BRINP1: variants seen among roughly 807,000 people sequenced by gnomAD.
BRINP1 encodes the protein BMP/retinoic acid-inducible neural-specific protein 1.
In BRINP1, 17 loss-of-function variants were observed where a neutral mutation model predicts 72.9. The ratio of observed to expected loss-of-function variants is 0.23; its 90% CI spans 0.16 to 0.35. The LOEUF (loss-of-function observed/expected upper bound fraction) is 0.35. BRINP1 is among the 10% of genes least tolerant of loss of function. The pLI, the probability that BRINP1 is intolerant of heterozygous loss-of-function variation, is 1.00. For missense variants in BRINP1, 850 were observed against 1,001.6 expected (o/e 0.85, Z 2.04); for synonymous variants, 418 against 378.5 (o/e 1.10, Z -1.21).
At chr9:119,251,809 G>T (rs1439343286) in intron 2 of BRINP1, among the ~76,000 whole-genome samples, 5 of 152,132 alleles carry the variant, frequency 3.3e-5, no homozygotes, top group African/African-American at 1.2e-4. Context: ...TACAGGTGTG[G>T]CAGGCAGCTT....
chr9:119,237,352 T>TATTATTATTATTATC (rs1830201951), intron 5 of BRINP1, among the ~76,000 whole-genome samples: 2 of 118,284 alleles, frequency 1.7e-5, no homozygotes, highest in Admixed American at 1.1e-4. Flanking sequence ...GCTACATTAT[T>TATTATTATTATTATC]ATTATTATTA....
intron 2 of BRINP1, among the ~76,000 whole-genome samples, chr9:119,264,695 A>G (rs1830530985): frequency 6.6e-6 from 1 of 152,152 alleles, no homozygotes; most frequent in Non-Finnish European, 1.5e-5. Context: ...GTTTTGAGAC[A>G]GAGTGTCGCT....
At chr9:119,312,971 A>G (rs181415413) in intron 2 of BRINP1, among the ~76,000 whole-genome samples, 167 bp downstream of exon 2, 12 of 152,198 alleles carry the variant, frequency 7.9e-5, no homozygotes, top group African/African-American at 2.7e-4. Flanking sequence ...TGTCATTGTT[A>G]ATCTCTTGTG....
intron 2 of BRINP1, among the ~76,000 whole-genome samples, chr9:119,297,463 T>C (rs991988951): frequency 6.6e-6 from 1 of 152,148 alleles, no homozygotes; most frequent in Non-Finnish European, 1.5e-5. Context: ...ACCCTGGCCA[T>C]ATTACTTTTC....
intron 1 of BRINP1, among the ~76,000 whole-genome samples, chr9:119,318,841 T>TGTGG (rs1554754941): frequency 2.6e-5 from 3 of 114,720 alleles, no homozygotes; most frequent in African/African-American, 6.7e-5. Flanking sequence ...GAGAAATGTG[T>TGTGG]GGGGTGTGTG....
chr9:119,317,183 C>T (rs765812700), intron 1 of BRINP1, among the ~76,000 whole-genome samples: 6 of 152,106 alleles, frequency 3.9e-5, no homozygotes, highest in Non-Finnish European at 7.3e-5. Context: ...GGGCATTGCA[C>T]ATTGGAAAAC....
chr9:119,317,167 G>A (rs1337563820), intron 1 of BRINP1, among the ~76,000 whole-genome samples: 1 of 152,118 alleles, frequency 6.6e-6, no homozygotes, highest in African/African-American at 2.4e-5. Context: ...TTCCTCTGAT[G>A]GATCTGGGCA....
intron 2 of BRINP1, among the ~76,000 whole-genome samples, chr9:119,268,723 A>G (rs1325998310): frequency 6.6e-6 from 1 of 152,190 alleles, no homozygotes; most frequent in African/African-American, 2.4e-5. Context: ...TACAAACTCC[A>G]GTAGGACAAG....
chr9:119,229,996 T>C (rs1332445), intron 5 of BRINP1, among the ~76,000 whole-genome samples: 28,825 of 151,836 alleles, frequency 0.19, 3,059 homozygotes, highest in Non-Finnish European at 0.25. Context: ...GATGATACTA[T>C]TGTGTGGCAA....
intron 2 of BRINP1, among the ~76,000 whole-genome samples, chr9:119,250,085 G>A (rs1332717633): frequency 1.2e-5 from 1 of 82,014 alleles, no homozygotes; most frequent in Non-Finnish European, 2.8e-5. Context: ...AGGAAGAAAG[G>A]AAGGAAGGAA....
intron 1 of BRINP1, among the ~76,000 whole-genome samples, chr9:119,348,790 C>A (rs1434658194): frequency 2.0e-5 from 3 of 152,122 alleles, no homozygotes; most frequent in African/African-American, 7.2e-5. Context: ...TTATTCATTT[C>A]GGTATCACGC....
intron 2 of BRINP1, among the ~76,000 whole-genome samples, chr9:119,271,508 T>C (rs569422477): frequency 6.6e-6 from 1 of 152,226 alleles, no homozygotes; most frequent in South Asian, 2.1e-4. Flanking sequence ...TATTTATTTA[T>C]TATTTATAGG....
intron 1 of BRINP1, among the ~76,000 whole-genome samples, chr9:119,350,043 C>T (rs954402914): frequency 1.3e-5 from 2 of 152,102 alleles, no homozygotes; most frequent in South Asian, 2.1e-4. Flanking sequence ...TCACTCAAAA[C>T]GGACATGTTT....
chr9:119,208,074 A>G (rs773306485), intron 7 of BRINP1, among the ~76,000 whole-genome samples: 12 of 152,166 alleles, frequency 7.9e-5, no homozygotes, highest in Non-Finnish European at 1.8e-4. Context: ...CTATGGAGGC[A>G]TGGGCCCTGT....
At chr9:119,248,879 G>T in intron 3 of BRINP1, 81 bp downstream of exon 3, 1 of 1,234,486 alleles carries the variant, frequency 8.1e-7, no homozygotes. Flanking sequence ...AGAAGGCTTT[G>T]CTGTTAAGAC....
chr9:119,194,611 A>G (rs1007619059), intron 7 of BRINP1, among the ~76,000 whole-genome samples: 1 of 152,204 alleles, frequency 6.6e-6, no homozygotes, highest in Admixed American at 6.5e-5. Flanking sequence ...ATGCATCTTT[A>G]TTCTTTTGAA....
At chr9:119,339,198 C>T (rs1831383976) in intron 1 of BRINP1, among the ~76,000 whole-genome samples, 1 of 152,180 alleles carries the variant, frequency 6.6e-6, no homozygotes, top group African/African-American at 2.4e-5. Context: ...TCAGCTCTAT[C>T]ACTGTAGCCA....
At chr9:119,312,123 C>T (rs950423043) in intron 2 of BRINP1, among the ~76,000 whole-genome samples, 36 of 152,190 alleles carry the variant, frequency 2.4e-4, no homozygotes, top group African/African-American at 8.4e-4. Flanking sequence ...CTTATTTCAA[C>T]AGCAATAACC....
intron 2 of BRINP1, among the ~76,000 whole-genome samples, chr9:119,261,827 TTTC>T (rs984234802): frequency 1.0e-3 from 159 of 151,732 alleles, no homozygotes; most frequent in African/African-American, 3.7e-3. Context: ...TCGTTTATTC[TTTC>T]TTCTTTCTTT....
Sources: gnomAD v4.1 joint callset for allele counts (sites outside exome capture counted in the v4.1 genomes callset) on GRCh38, gnomAD v4.1.1 for gene constraint, MANE v1.5 for transcripts, NCBI Gene and HGNC (gene_info 2026-07-23, HGNC 2026-07-21) for gene names.